F13A1: variants seen among roughly 807,000 people sequenced by gnomAD.
F13A1 encodes the protein FSF, A subunit.
Under a neutral mutation model 80.1 loss-of-function variants are expected in F13A1, and 47 were observed. The ratio of observed to expected loss-of-function variants is 0.59; its 90% CI spans 0.46 to 0.75. The LOEUF is 0.75. F13A1 is among the 30% of genes least tolerant of loss of function. The pLI, the probability that F13A1 is intolerant of heterozygous loss-of-function variation, is 0.00. For synonymous variants in F13A1, 349 were observed against 344.9 expected (o/e 1.01, Z -0.13); for missense variants, 817 against 930.4 (o/e 0.88, Z 1.59).
chr6:6,248,175 G>A (rs1757579200), intron 6 of F13A1, 137 bp downstream of exon 6: 1 of 767,634 alleles, frequency 1.3e-6, no homozygotes, highest in Non-Finnish European at 2.3e-6. Context: ...CTATAACTGG[G>A]TGTCAGAAGC....
chr6:6,177,689 G>A (rs1200100144), intron 11 of F13A1, among the ~76,000 whole-genome samples: 2 of 152,182 alleles, frequency 1.3e-5, no homozygotes, highest in African/African-American at 2.4e-5. Context: ...TCCAAACACC[G>A]TGCTAGGCAC....
In F13A1 at chr6:6,144,513, A is replaced by C. The variant is rs1760241920; in HGVS notation, c.*1106T>G. On this transcript the variant is annotated 3_prime_UTR_variant, in exon 15 of 15. Coordinates refer to ENST00000264870, the MANE Select transcript of F13A1 (RefSeq NM_000129.4). ...CTTCTCTGTAGTAGCCTTGGAACAT[A>C]ATACAAATGATGTCAGCATCCTCTG... 1 of 152,244 alleles carries C rather than the reference A, an allele frequency of 6.6e-6. No individual in the cohort carries two copies. Among genetic ancestry groups the C allele is most frequent in the Non-Finnish European group, 1.5e-5 (1 of 68,070 alleles). The allele number at this position is 152,244 out of a possible 1,614,324, so 9.4% of individuals were successfully genotyped here.
intron 7 of F13A1, 88 bp downstream of exon 7, chr6:6,224,598 G>A (rs2113062994): frequency 8.0e-7 from 1 of 1,244,204 alleles, no homozygotes; most frequent in South Asian, 1.2e-5. Flanking sequence ...AACAGGGGCT[G>A]CTATGTCTCT....
intron 2 of F13A1, among the ~76,000 whole-genome samples, chr6:6,317,694 C>T (rs957810086): frequency 1.9e-4 from 29 of 152,236 alleles, no homozygotes; most frequent in African/African-American, 6.7e-4. Flanking sequence ...ACCATGCTCA[C>T]CTATCCCAGC....
chr6:6,246,575 T>C (rs1471780464), intron 6 of F13A1, among the ~76,000 whole-genome samples: 3 of 152,352 alleles, frequency 2.0e-5, no homozygotes, highest in East Asian at 3.9e-4. Flanking sequence ...AATTGGGATA[T>C]AAATTTTCAA....
intron 3 of F13A1, among the ~76,000 whole-genome samples, chr6:6,291,803 T>C (rs1448818958): frequency 2.6e-5 from 4 of 152,200 alleles, no homozygotes; most frequent in Non-Finnish European, 5.9e-5. Flanking sequence ...TGATTTACCT[T>C]TTTCTGAGTG....
chr6:6,214,703 G>A (rs1278379452), intron 8 of F13A1, among the ~76,000 whole-genome samples: 4 of 89,956 alleles, frequency 4.4e-5, no homozygotes, highest in Non-Finnish European at 6.4e-5. Context: ...AGGAAATAGA[G>A]ACACAAAAAA....
chr6:6,259,324 G>C (rs879260666), intron 4 of F13A1, among the ~76,000 whole-genome samples: 12 of 152,208 alleles, frequency 7.9e-5, no homozygotes, highest in Admixed American at 2.6e-4. Context: ...GGGCTAAAAA[G>C]ACCTTATATA....
Position 6,151,918 on chromosome 6 carries a change from A to G in F13A1, c.1940T>C (p.Met647Thr). 1 of 1,614,118 alleles carries G rather than the reference A, an allele frequency of 6.2e-7. No individual in the cohort carries two copies. Among genetic ancestry groups the G allele is most frequent in the South Asian group, 1.1e-5 (1 of 91,088 alleles). Residue 647 changes from methionine (M) to threonine (T), a missense_variant, in exon 14 of 15, where the codon ATG (methionine) becomes ACG (threonine). Physicochemically the swap from Met to Thr is moderately conservative, Grantham distance 81. Coordinates refer to ENST00000264870, the MANE Select transcript of F13A1 (RefSeq NM_000129.4). The part of the protein sequence containing the change: ...VRGTQVVGSD[M>T]TVTVEFTNPL... ...ATTGGTAAACTCAACTGTCACAGTC[A>G]TGTCAGAACCAACTACCTGAGTGCC...
rs1000746313 is a variant in F13A1, at chr6:6,167,606, G to A, written c.1760C>T (p.Ala587Val). 6 of 1,613,438 alleles carry A rather than the reference G, an allele frequency of 3.7e-6. No individual in the cohort carries two copies. The highest frequency in any genetic ancestry group is 2.2e-5 in the East Asian group (1 of 44,868). Residue 587 changes from alanine (A) to valine (V), a missense_variant, in exon 13 of 15, where the codon GCG (alanine) becomes GTG (valine). Ala to Val is a moderately conservative substitution (Grantham distance 64). Coordinates refer to ENST00000264870, the MANE Select transcript of F13A1 (RefSeq NM_000129.4). ...TLEPLSFKKEAVLIQAGEYMG... is the reference protein window; with the variant it reads ...TLEPLSFKKEVVLIQAGEYMG... Reference sequence around the variant, plus strand: ...GTACTCGCCGGCTTGGATCAGCACCGCCTCTTTCTTGACTAGTAGGAGAAA... The same window carrying A: ...GTACTCGCCGGCTTGGATCAGCACCACCTCTTTCTTGACTAGTAGGAGAAA...
rs142253484 is a variant in F13A1, at chr6:6,182,766, T to C, written c.1306-625A>G. 1.6e-3 allele frequency among the ~76,000 whole-genome samples: 246 copies of C among 152,310 alleles called. 1 individual carries two copies. The Middle Eastern group carries it at 0.024, about 15-fold the overall frequency. On this transcript the variant is annotated intron_variant, in intron 10 of 14. Transcript: ENST00000264870. ...TTTGGGGATTTGGGGGCCTTAATGA[T>C]GCTGTTAAATGGCTAAGCCCGCATC...
intron 14 of F13A1, among the ~76,000 whole-genome samples, chr6:6,150,266 C>G (rs147612533): frequency 1.6e-4 from 24 of 152,096 alleles, no homozygotes; most frequent in African/African-American, 5.6e-4. Context: ...TGGGAAGGTG[C>G]GAGAATGGGT....
At chr6:6,303,820 T>A (rs1023293611) in intron 3 of F13A1, among the ~76,000 whole-genome samples, 1 of 152,194 alleles carries the variant, frequency 6.6e-6, no homozygotes, top group Non-Finnish European at 1.5e-5. Context: ...CTACATTTTA[T>A]AGTTTTGGTC....
At chr6:6,146,191 C>T (rs1185325995) in intron 14 of F13A1, among the ~76,000 whole-genome samples, 1 of 152,156 alleles carries the variant, frequency 6.6e-6, no homozygotes, top group Non-Finnish European at 1.5e-5. Flanking sequence ...ATATGAATCC[C>T]CCAGCTGCCT....
chr6:6,250,708 T>C lies in F13A1; in HGVS notation c.690+103A>G. ...GTCTCAGATCCTAAAAAGCAGGAAA[T>C]TGTGCTTGTCTAATATCGATATATG... On this transcript the variant is annotated intron_variant, in intron 5 of 14. Coordinates refer to ENST00000264870, the MANE Select transcript of F13A1 (RefSeq NM_000129.4). This position sits in a 1 kb window ranked among gnomAD's most constrained non-coding sequence, Gnocchi z 4.2. The C allele has an allele frequency of 1.2e-6, 1 of 810,062 alleles. No individual in the cohort carries two copies. The highest frequency in any genetic ancestry group is 1.4e-5 in the South Asian group (1 of 72,402). The allele number at this position is 810,062 out of a possible 1,614,324, so 50.2% of individuals were successfully genotyped here. A position where few individuals can be genotyped will look rare whatever the true frequency, so the allele number is the denominator to read the frequency against.
chr6:6,308,603 A>ATT (rs1261821460), intron 2 of F13A1, among the ~76,000 whole-genome samples: 1 of 116,418 alleles, frequency 8.6e-6, no homozygotes, highest in African/African-American at 3.2e-5. Context: ...CTTAAAACAC[A>ATT]TTCTTTTTTT....
chr6:6,289,695 C>G (rs111678380), intron 3 of F13A1, among the ~76,000 whole-genome samples: 4 of 152,126 alleles, frequency 2.6e-5, no homozygotes, highest in African/African-American at 9.7e-5. Context: ...TCTTAATACT[C>G]TACCTAAAAT....
chr6:6,251,097 T>C (rs563969882), intron 4 of F13A1, among the ~76,000 whole-genome samples, 168 bp from the exon 5 acceptor site: 3 of 152,342 alleles, frequency 2.0e-5, no homozygotes, highest in East Asian at 1.9e-4. Flanking sequence ...TTTTTAGTAA[T>C]GGTGAACATA....
At chr6:6,161,415 T>C (rs1258734107) in intron 13 of F13A1, among the ~76,000 whole-genome samples, 1 of 152,204 alleles carries the variant, frequency 6.6e-6, no homozygotes, top group East Asian at 1.9e-4. Context: ...TTGCTACAGA[T>C]GTCAATCCCC....
Sources: gnomAD v4.1 joint callset for allele counts (sites outside exome capture counted in the v4.1 genomes callset) on GRCh38, gnomAD v4.1.1 for gene constraint, Gnocchi (gnomAD v3.1) non-coding constraint, MANE v1.5 for transcripts, NCBI Gene and HGNC (gene_info 2026-07-23, HGNC 2026-07-21) for gene names.